KIAA1328: variants seen among roughly 807,000 people sequenced by gnomAD.
KIAA1328 encodes protein hinderin.
Under a neutral mutation model 68.1 loss-of-function variants are expected in KIAA1328, and 52 were observed. The observed-to-expected ratio is 0.76, with a 90% CI of 0.61 to 0.96. The LOEUF (loss-of-function observed/expected upper bound fraction) is 0.96, where lower values mean the gene tolerates loss of function less well. KIAA1328 is among the 40% of genes least tolerant of loss of function. The pLI is 0.00. For synonymous variants in KIAA1328, 232 were observed against 239.4 expected, an observed-to-expected ratio of 0.97 and a Z score of 0.28; for missense variants, 641 against 677.6, an observed-to-expected ratio of 0.95 and a Z score of 0.60.
Position 37,067,627 on chromosome 18 carries a change from C to T in KIAA1328, c.1232+82C>T, listed in dbSNP as rs1458430640. On this transcript the variant is annotated intron_variant, in intron 7 of 9. Transcript: ENST00000280020. Reference sequence around the variant, plus strand: ...CCAGGCTGGAGTGTAGTGGCACAATCTCAGCTCACTGCAGCCTCCGCCTCC... The same window carrying T: ...CCAGGCTGGAGTGTAGTGGCACAATTTCAGCTCACTGCAGCCTCCGCCTCC... 2.5e-5 allele frequency: 33 copies of T among 1,344,418 alleles called. No individual in the cohort carries two copies. The South Asian group carries it at 3.2e-4, about 13-fold the overall frequency. The allele number at this position is 1,344,418 out of a possible 1,614,324, so 83.3% of individuals were successfully genotyped here.
intron 1 of KIAA1328, chr18:36,832,926 T>G (rs1187976198): frequency 1.3e-5 from 2 of 151,436 alleles, no homozygotes; most frequent in African/African-American, 4.9e-5. Flanking sequence ...AAGCTCCGCC[T>G]TCTGGGTTCA....
chr18:37,178,012 T>A (rs1423649585), intron 9 of KIAA1328, among the ~76,000 whole-genome samples: 4 of 152,130 alleles, frequency 2.6e-5, no homozygotes, highest in African/African-American at 9.7e-5. Context: ...TTGAAATACA[T>A]TAGGTTAGTG....
At chr18:37,061,150 A>G (rs1312095160) in intron 6 of KIAA1328, among the ~76,000 whole-genome samples, 8 of 152,224 alleles carry the variant, frequency 5.3e-5, no homozygotes, top group Non-Finnish European at 1.2e-4. Context: ...ACGCAGTGAT[A>G]AAAAGGATGC....
chr18:37,155,363 C>T (rs951909125), intron 7 of KIAA1328, among the ~76,000 whole-genome samples: 13 of 152,190 alleles, frequency 8.5e-5, no homozygotes, highest in Admixed American at 8.5e-4. Context: ...CCATAAGCAT[C>T]TCAAGCTGCA....
At chr18:37,135,530 TG>T (rs1244898014) in intron 7 of KIAA1328, among the ~76,000 whole-genome samples, 1 of 152,178 alleles carries the variant, frequency 6.6e-6, no homozygotes, top group Non-Finnish European at 1.5e-5. Flanking sequence ...CACTTTTTAA[TG>T]GGGTTGTTTT....
chr18:37,214,630 C>A (rs11872264), intron 9 of KIAA1328, among the ~76,000 whole-genome samples: 1 of 152,266 alleles, frequency 6.6e-6, no homozygotes, highest in African/African-American at 2.4e-5. Flanking sequence ...CTTGGCAATA[C>A]GGGCTCTTTT....
chr18:37,188,759 A>G (rs2059849156), intron 9 of KIAA1328, among the ~76,000 whole-genome samples: 1 of 152,214 alleles, frequency 6.6e-6, no homozygotes, highest in Non-Finnish European at 1.5e-5. Context: ...AAATGTTTCT[A>G]CTGCTGTATC....
intron 4 of KIAA1328, among the ~76,000 whole-genome samples, chr18:36,879,912 G>T (rs1237244937): frequency 6.6e-6 from 1 of 152,198 alleles, no homozygotes; most frequent in Non-Finnish European, 1.5e-5. Context: ...GTTGACTTCA[G>T]AGTGCTGTGC....
At chr18:37,161,198 C>T (rs2059271327) in intron 8 of KIAA1328, among the ~76,000 whole-genome samples, 1 of 152,182 alleles carries the variant, frequency 6.6e-6, no homozygotes, top group African/African-American at 2.4e-5. Flanking sequence ...TGGGCCAGCA[C>T]CTTTCTACCT....
chr18:36,895,376 G>A (rs753068024), intron 5 of KIAA1328, among the ~76,000 whole-genome samples: 1 of 152,166 alleles, frequency 6.6e-6, no homozygotes, highest in South Asian at 2.1e-4. Flanking sequence ...TGAAGGCCAC[G>A]AGGAAAAGGA....
intron 6 of KIAA1328, among the ~76,000 whole-genome samples, chr18:37,015,404 T>C (rs1253615045): frequency 6.6e-6 from 1 of 152,212 alleles, no homozygotes; most frequent in East Asian, 1.9e-4. Flanking sequence ...ACTATATCCT[T>C]GTAGTATAGT....
At chr18:36,934,052 A>C (rs942098313) in intron 5 of KIAA1328, among the ~76,000 whole-genome samples, 4 of 152,106 alleles carry the variant, frequency 2.6e-5, no homozygotes, top group Non-Finnish European at 5.9e-5. Flanking sequence ...CTACCAGTTC[A>C]GATATCTATG....
At chr18:37,102,173 A>G (rs1406415019) in intron 7 of KIAA1328, among the ~76,000 whole-genome samples, 2 of 152,250 alleles carry the variant, frequency 1.3e-5, no homozygotes, top group African/African-American at 4.8e-5. Flanking sequence ...AGTGGGGTTT[A>G]TGCCAGGAAT....
chr18:37,007,364 G>C (rs949209303), intron 6 of KIAA1328, among the ~76,000 whole-genome samples: 3 of 152,192 alleles, frequency 2.0e-5, no homozygotes, highest in Non-Finnish European at 4.4e-5. Context: ...ATTGTGTATT[G>C]AGAAGGCATG....
intron 6 of KIAA1328, among the ~76,000 whole-genome samples, chr18:37,000,362 A>G (rs1164698292): frequency 6.6e-6 from 1 of 152,174 alleles, no homozygotes; most frequent in African/African-American, 2.4e-5. Flanking sequence ...TCATAAAGCA[A>G]GTATTACTAC....
intron 6 of KIAA1328, among the ~76,000 whole-genome samples, chr18:36,987,686 A>G (rs533889050): frequency 1.6e-4 from 24 of 152,050 alleles, no homozygotes; most frequent in African/African-American, 3.9e-4. Context: ...ACACAAGGAG[A>G]CTTTTAGAGA....
rs549189974 is a variant in KIAA1328, at chr18:37,067,021, A to G, written c.708A>G (p.Ser236=). The G allele has an allele frequency of 2.2e-5, 36 of 1,613,848 alleles. No homozygotes were observed. The highest frequency in any genetic ancestry group is 1.4e-5 in the Non-Finnish European group (17 of 1,179,878). The stretch of plus-strand genomic sequence containing the variant: ...AGTCTGCAGTCCAGGATTCAGCTTC[A>G]GAATCCCTTATAGCATTTAGGAATA... The part of the protein sequence containing the change: ...RPKSAVQDSA[S]ESLIAFRNNS... The change falls in exon 7 of 10, where the codon TCA becomes TCG. Residue 236 remains serine (S), a synonymous_variant. Transcript: ENST00000280020.
intron 5 of KIAA1328, among the ~76,000 whole-genome samples, chr18:36,927,844 G>A (rs1598736657): frequency 6.6e-6 from 1 of 150,626 alleles, no homozygotes; most frequent in East Asian, 2.0e-4. Flanking sequence ...AAAGAAGGAA[G>A]GGAGGGAGGA....
At chr18:36,841,591 G>A (rs867692080) in intron 3 of KIAA1328, among the ~76,000 whole-genome samples, 1 of 151,960 alleles carries the variant, frequency 6.6e-6, no homozygotes, top group African/African-American at 2.4e-5. Flanking sequence ...GGGGTTCGCC[G>A]ACTTTTTCTA....
Sources: gnomAD v4.1 joint callset for allele counts (sites outside exome capture counted in the v4.1 genomes callset) on GRCh38, gnomAD v4.1.1 for gene constraint, MANE v1.5 for transcripts, NCBI Gene and HGNC (gene_info 2026-07-23, HGNC 2026-07-21) for gene names.